The following DRD2 variants were observed in gnomAD, a reference collection of about 807,000 sequenced individuals.
DRD2 encodes the protein D(2) dopamine receptor.
DRD2 carries 8 observed loss-of-function variants against 38.0 expected under a neutral mutation model. That is an observed-to-expected ratio of 0.21 (90% CI 0.12 to 0.38). The LOEUF (loss-of-function observed/expected upper bound fraction) is 0.38. Ranked by LOEUF, DRD2 falls within the 10% of genes least tolerant of loss-of-function variation. The pLI, the probability that DRD2 is intolerant of heterozygous loss-of-function variation, is 1.00. For missense variants in DRD2, 403 were observed against 607.7 expected (o/e 0.66, Z 3.54); for synonymous variants, 230 against 238.6 (o/e 0.96, Z 0.33).
At chr11:113,414,562 G>A in intron 5 of DRD2, 101 bp from the exon 6 acceptor site, 2 of 1,271,142 alleles carry the variant, frequency 1.6e-6, no homozygotes, top group South Asian at 1.2e-5. Context: ...CTGGGCAGAA[G>A]GGCTCAGAGA....
chr11:113,472,725 G>C (rs1432487979), intron 1 of DRD2, among the ~76,000 whole-genome samples: 1 of 152,196 alleles, frequency 6.6e-6, no homozygotes, highest in African/African-American at 2.4e-5. Context: ...CATTTCAGGA[G>C]CACTTAGGTT....
At chr11:113,422,874 T>A (rs2734831) in intron 2 of DRD2, among the ~76,000 whole-genome samples, 2 of 151,976 alleles carry the variant, frequency 1.3e-5, no homozygotes, top group African/African-American at 2.4e-5. Flanking sequence ...CAAAGCTTTC[T>A]CATTTTCTTT....
intron 1 of DRD2, among the ~76,000 whole-genome samples, chr11:113,436,033 C>A (rs1385405779): frequency 6.6e-6 from 1 of 152,206 alleles, no homozygotes; most frequent in Non-Finnish European, 1.5e-5. Flanking sequence ...CTGCTGGAAA[C>A]CTCCGGAAGC....
intron 1 of DRD2, among the ~76,000 whole-genome samples, chr11:113,450,942 T>A (rs996916125): frequency 6.6e-6 from 1 of 152,192 alleles, no homozygotes; most frequent in Non-Finnish European, 1.5e-5. Context: ...CAGGCTCTAA[T>A]GACACTAATT....
chr11:113,443,711 T>C (rs1373205399), intron 1 of DRD2, among the ~76,000 whole-genome samples: 1 of 152,242 alleles, frequency 6.6e-6, no homozygotes, highest in Non-Finnish European at 1.5e-5. Flanking sequence ...TAGCTCACTA[T>C]TTCATAAACA....
intron 1 of DRD2, among the ~76,000 whole-genome samples, chr11:113,431,301 T>C (rs1950984910): frequency 6.6e-6 from 1 of 152,208 alleles, no homozygotes; most frequent in Non-Finnish European, 1.5e-5. Flanking sequence ...AAGGCACCTT[T>C]CTGTGCAGGA....
chr11:113,460,474 T>A (rs1591301595), intron 1 of DRD2, among the ~76,000 whole-genome samples: 1 of 152,312 alleles, frequency 6.6e-6, no homozygotes, highest in Non-Finnish European at 1.5e-5. Flanking sequence ...CTTCCTGGGG[T>A]CAGAGGCTCC....
At chr11:113,461,748 G>A (rs1473186794) in intron 1 of DRD2, among the ~76,000 whole-genome samples, 1 of 152,162 alleles carries the variant, frequency 6.6e-6, no homozygotes, top group Non-Finnish European at 1.5e-5. Flanking sequence ...ATAAATGCTT[G>A]TAGAATGAAC....
At chr11:113,457,681 C>T (rs1951280180) in intron 1 of DRD2, among the ~76,000 whole-genome samples, 1 of 152,206 alleles carries the variant, frequency 6.6e-6, no homozygotes, top group Non-Finnish European at 1.5e-5. Flanking sequence ...CCACCTTCTG[C>T]GAGAGCTGCC....
intron 1 of DRD2, among the ~76,000 whole-genome samples, chr11:113,459,774 A>T (rs1951301100): frequency 6.6e-6 from 1 of 152,214 alleles, no homozygotes; most frequent in South Asian, 2.1e-4. Context: ...AAATAGATAG[A>T]AGAGAAGATT....
chr11:113,468,579 G>A (rs575825706), intron 1 of DRD2, among the ~76,000 whole-genome samples: 6 of 152,050 alleles, frequency 3.9e-5, no homozygotes, highest in East Asian at 3.9e-4. Flanking sequence ...ATGGAGTCTC[G>A]TTCTGCCACC....
rs370665466 is a variant in DRD2 at position 113,414,323 on chromosome 11, C to T, written c.810+52G>A. 8 of 1,563,448 alleles carry T rather than the reference C, an allele frequency of 5.1e-6. No homozygotes were observed. The African/African-American group carries it at 1.1e-4, about 21-fold the overall frequency. On this transcript the variant is annotated intron_variant, in intron 6 of 7. Coordinates refer to ENST00000362072, the MANE Select transcript of DRD2 (RefSeq NM_000795.4). ...AGGTCTCAGAACCATGGCCAGTGGG[C>T]TTCCCTAGGGGCAGAAAGACCTGGC...
chr11:113,430,084 C>T (rs1233592025), intron 1 of DRD2, among the ~76,000 whole-genome samples: 5 of 152,202 alleles, frequency 3.3e-5, no homozygotes, highest in Non-Finnish European at 7.3e-5. Context: ...GGGCCCACTG[C>T]CTCCTATGGC....
At chr11:113,447,282 G>A (rs1591294129) in intron 1 of DRD2, among the ~76,000 whole-genome samples, 2 of 152,270 alleles carry the variant, frequency 1.3e-5, no homozygotes. Flanking sequence ...CCGTGATGTT[G>A]TTCTTTAAAT....
At chr11:113,450,152 A>G (rs1458903214) in intron 1 of DRD2, 1 of 153,958 alleles carries the variant, frequency 6.5e-6, no homozygotes, top group Non-Finnish European at 1.5e-5. Context: ...AATATTTCAA[A>G]AGAAGACAGA....
At position 113,410,314 on chromosome 11, in the gene DRD2, C is replaced by T. The variant is rs1043313499; in HGVS notation, c.*413G>A. Reference sequence around the variant, plus strand: ...GCCTTGCAGGGTGTGAACTGTCCATCTCTCCCCACCGCCTGCTCCACGCCA... The same window carrying T: ...GCCTTGCAGGGTGTGAACTGTCCATTTCTCCCCACCGCCTGCTCCACGCCA... On this transcript the variant is annotated 3_prime_UTR_variant, in exon 8 of 8. Transcript: ENST00000362072. The T allele has an allele frequency of 5.3e-6, 2 of 376,666 alleles. No individual in the cohort carries two copies. Among genetic ancestry groups the T allele is most frequent in the Non-Finnish European group, 1.0e-5 (2 of 198,752 alleles). 23.3% of individuals were successfully genotyped at this position (376,666 alleles called of 1,614,324 possible). A position where few individuals can be genotyped will look rare whatever the true frequency, so the allele number is the denominator to read the frequency against.
chr11:113,448,018 G>C (rs1336796235), intron 1 of DRD2, among the ~76,000 whole-genome samples: 2 of 152,076 alleles, frequency 1.3e-5, no homozygotes, highest in Non-Finnish European at 2.9e-5. Context: ...CCATGATGAA[G>C]GTAAGATCCC....
At chr11:113,443,145 T>C (rs1951109368) in intron 1 of DRD2, among the ~76,000 whole-genome samples, 1 of 152,158 alleles carries the variant, frequency 6.6e-6, no homozygotes, top group South Asian at 2.1e-4. Context: ...TTGGGTTGTT[T>C]GAGATGATGA....
chr11:113,427,581 C>T (rs972189339), intron 1 of DRD2, among the ~76,000 whole-genome samples: 1 of 152,144 alleles, frequency 6.6e-6, no homozygotes, highest in Non-Finnish European at 1.5e-5. Flanking sequence ...GTGGGCAGTA[C>T]GTATTCAACA....
Sources: gnomAD v4.1 joint callset for allele counts (sites outside exome capture counted in the v4.1 genomes callset) on GRCh38, gnomAD v4.1.1 for gene constraint, MANE v1.5 for transcripts, NCBI Gene and HGNC (gene_info 2026-07-23, HGNC 2026-07-21) for gene names.